The following MACROD2 variants were observed in gnomAD, a reference collection of about 807,000 sequenced individuals.
The protein encoded by MACROD2 is mono-ADP ribosylhydrolase 2.
In MACROD2, 36 loss-of-function variants were observed where a neutral mutation model predicts 70.4. That is an observed-to-expected ratio of 0.51 (90% CI 0.39 to 0.68). The LOEUF (loss-of-function observed/expected upper bound fraction) is 0.68, where lower values mean the gene tolerates loss of function less well. Ranked by LOEUF, MACROD2 falls within the 30% of genes least tolerant of loss-of-function variation. The pLI is 0.00. For synonymous variants in MACROD2, 172 were observed against 178.8 expected (o/e 0.96, Z 0.30); for missense variants, 496 against 538.4 (o/e 0.92, Z 0.78).
At chr20:14,329,092 G>A (rs1021265290) in intron 3 of MACROD2, 2 of 152,006 alleles carry the variant, frequency 1.3e-5, no homozygotes, top group Admixed American at 1.3e-4. Flanking sequence ...GATTATCCAA[G>A]TATAAACTTT....
intron 2 of MACROD2, chr20:14,003,723 A>G: frequency 2.1e-6 from 1 of 466,514 alleles, no homozygotes; most frequent in South Asian, 1.6e-5. Flanking sequence ...TGGCAGCTGT[A>G]TTCTGGAGTC....
At chr20:15,083,672 G>T (rs182298852) in intron 5 of MACROD2, among the ~76,000 whole-genome samples, 1 of 152,040 alleles carries the variant, frequency 6.6e-6, no homozygotes, top group Non-Finnish European at 1.5e-5. Flanking sequence ...TTAGAGCAAA[G>T]CATGTAGCAC....
intron 5 of MACROD2, among the ~76,000 whole-genome samples, chr20:15,120,793 TTTCTGAAGTGGTAGAAACA>T (rs1219668598): frequency 2.0e-5 from 3 of 152,222 alleles, no homozygotes; most frequent in African/African-American, 7.2e-5. Flanking sequence ...GTCTTGTTTC[TTTCTGAAGTGGTAGAAACA>T]CTTAATAGCC....
chr20:15,384,875 G>C (rs571036331), intron 6 of MACROD2, among the ~76,000 whole-genome samples: 2 of 152,154 alleles, frequency 1.3e-5, no homozygotes, highest in Non-Finnish European at 2.9e-5. Flanking sequence ...CCAAAACTTT[G>C]CCTGTATACA....
chr20:15,272,653 G>A (rs1345366778), intron 6 of MACROD2, among the ~76,000 whole-genome samples: 5 of 152,008 alleles, frequency 3.3e-5, no homozygotes, highest in Admixed American at 6.6e-5. Flanking sequence ...CATTTATTAC[G>A]TGGATAATGG....
chr20:14,517,981 A>G (rs1161428539), intron 4 of MACROD2, among the ~76,000 whole-genome samples: 1 of 151,900 alleles, frequency 6.6e-6, no homozygotes, highest in Non-Finnish European at 1.5e-5. Context: ...TCTTTTTTGT[A>G]AACATTTTTG....
intron 5 of MACROD2, among the ~76,000 whole-genome samples, chr20:15,006,394 T>C (rs1279985781): frequency 6.6e-6 from 1 of 152,000 alleles, no homozygotes; most frequent in African/African-American, 2.4e-5. Flanking sequence ...AAACTTGTAA[T>C]TATAAAATGA....
chr20:14,299,735 T>C (rs1242527665), intron 3 of MACROD2, among the ~76,000 whole-genome samples: 1 of 152,108 alleles, frequency 6.6e-6, no homozygotes, highest in Non-Finnish European at 1.5e-5. Flanking sequence ...AATATTAATA[T>C]TTGCAAAGTA....
At chr20:14,967,468 GT>G (rs2074649306) in intron 5 of MACROD2, among the ~76,000 whole-genome samples, 1 of 151,096 alleles carries the variant, frequency 6.6e-6, no homozygotes. Context: ...CTGGCCGGTA[GT>G]TTTGTTTGTT....
intron 2 of MACROD2, among the ~76,000 whole-genome samples, chr20:14,073,410 G>T (rs534749731): frequency 6.6e-6 from 1 of 152,052 alleles, no homozygotes; most frequent in South Asian, 2.1e-4. Context: ...TTGGTTGAAA[G>T]GAGAATTTAA....
intron 5 of MACROD2, among the ~76,000 whole-genome samples, chr20:15,183,170 A>G (rs977791270): frequency 2.6e-5 from 4 of 152,136 alleles, no homozygotes; most frequent in African/African-American, 7.2e-5. Flanking sequence ...AGGGAAGATA[A>G]TGCAGTGAAT....
chr20:15,340,326 T>TG (rs375293725), intron 6 of MACROD2, among the ~76,000 whole-genome samples: 2 of 151,546 alleles, frequency 1.3e-5, no homozygotes, highest in African/African-American at 4.8e-5. Flanking sequence ...TTAGTAGAGA[T>TG]GGGGTTTCAC....
At chr20:14,756,763 C>G (rs898023268) in intron 5 of MACROD2, among the ~76,000 whole-genome samples, 1 of 152,126 alleles carries the variant, frequency 6.6e-6, no homozygotes, top group African/African-American at 2.4e-5. Flanking sequence ...TGCTTTGGCT[C>G]TGTGTCCCCA....
chr20:15,449,639 A>C (rs185184474), intron 7 of MACROD2, among the ~76,000 whole-genome samples: 2 of 152,242 alleles, frequency 1.3e-5, no homozygotes, highest in Admixed American at 6.5e-5. Context: ...AAGGCCTTCT[A>C]TTTCAAGATT....
At chr20:15,135,333 G>A (rs893579345) in intron 5 of MACROD2, among the ~76,000 whole-genome samples, 12 of 151,814 alleles carry the variant, frequency 7.9e-5, no homozygotes, top group East Asian at 1.9e-4. Context: ...CTGGCAAAGC[G>A]AATCCAGCAG....
At chr20:15,643,542 A>G (rs546119808) in intron 8 of MACROD2, among the ~76,000 whole-genome samples, 31 of 145,744 alleles carry the variant, frequency 2.1e-4, no homozygotes, top group Non-Finnish European at 3.3e-4. Context: ...TCTTTTATGG[A>G]ATATGGTTTG....
Position 15,401,878 on chromosome 20 carries a change from A to C in MACROD2, c.541-29527A>C, listed in dbSNP as rs139961032. Among the ~76,000 whole-genome samples the C allele has an allele frequency of 2.2e-3, 340 of 152,322 alleles. 2 individuals are homozygous for C. The highest frequency in any genetic ancestry group is 7.9e-3 in the African/African-American group (327 of 41,574). On this transcript the variant is annotated intron_variant, in intron 6 of 17. Coordinates refer to ENST00000684519, the MANE Select transcript of MACROD2 (RefSeq NM_001351661.2). Reference sequence around the variant, plus strand: ...TCCCAGTGATGGATAGTTGAGATGCAGATCAACAACTGAGGCTGGGCATTC... The same window carrying C: ...TCCCAGTGATGGATAGTTGAGATGCCGATCAACAACTGAGGCTGGGCATTC...
intron 4 of MACROD2, among the ~76,000 whole-genome samples, chr20:14,602,440 T>C (rs1982559983): frequency 6.6e-6 from 1 of 152,208 alleles, no homozygotes; most frequent in Admixed American, 6.5e-5. Flanking sequence ...TGGGGACTCT[T>C]CCCTATCTGC....
At chr20:15,772,933 C>G (rs139237186) in intron 8 of MACROD2, among the ~76,000 whole-genome samples, 62 of 152,158 alleles carry the variant, frequency 4.1e-4, no homozygotes, top group Non-Finnish European at 6.9e-4. Context: ...CTCACTATGA[C>G]GAGGAGAGCA....
Sources: gnomAD v4.1 joint callset for allele counts (sites outside exome capture counted in the v4.1 genomes callset) on GRCh38, gnomAD v4.1.1 for gene constraint, MANE v1.5 for transcripts, NCBI Gene and HGNC (gene_info 2026-07-23, HGNC 2026-07-21) for gene names.